FYCO1: variants seen among roughly 807,000 people sequenced by gnomAD.
The protein encoded by FYCO1 is FYVE and coiled-coil domain autophagy adaptor 1, also known as FYVE and coiled-coil domain-containing protein 1.
In FYCO1, 122 loss-of-function variants were observed where a neutral mutation model predicts 165.1. The observed-to-expected ratio is 0.74, with a 90% CI of 0.64 to 0.86. FYCO1 has a LOEUF of 0.86. Ranked by LOEUF, FYCO1 falls within the 40% of genes least tolerant of loss-of-function variation. The pLI is 0.00. For synonymous variants in FYCO1, 648 were observed against 742.5 expected, an observed-to-expected ratio of 0.87 and a Z score of 2.07; for missense variants, 1,702 against 1,810.3, an observed-to-expected ratio of 0.94 and a Z score of 1.09.
chr3:45,981,110 G>A (rs374913376), intron 3 of FYCO1, among the ~76,000 whole-genome samples: 7 of 152,200 alleles, frequency 4.6e-5, no homozygotes, highest in East Asian at 1.9e-4. Flanking sequence ...ACTGCACATT[G>A]AGTAGCAAAG....
rs373944246 is a variant in FYCO1 at position 45,923,672 on chromosome 3, C to T, written c.4345G>A (p.Asp1449Asn). 23 of 1,612,950 alleles carry T rather than the reference C, an allele frequency of 1.4e-5. No individual in the cohort carries two copies. Among genetic ancestry groups the T allele is most frequent in the African/African-American group, 1.1e-4 (8 of 74,894 alleles). The stretch of plus-strand genomic sequence containing the variant: ...TGGCCCTACCTTGAGAAGGTATTGT[C>T]GAAGATGAGCATGTAGATGCCGGGT... ...RTPGIYMLIF[D>N]NTFSRFVSKK... The change falls in exon 17 of 18, where the codon GAC becomes AAC. Residue 1449 changes from aspartate (D) to asparagine (N), a missense_variant. By Grantham distance (23) the Asp-to-Asn change is conservative. Transcript: ENST00000296137.
intron 1 of FYCO1, 122 bp from the exon 2 acceptor site, chr3:45,985,144 G>T (rs975153635): frequency 1.6e-6 from 1 of 624,906 alleles, no homozygotes; most frequent in Non-Finnish European, 2.9e-6. Context: ...TCAACAGGAG[G>T]GCTTGACCTT....
intron 17 of FYCO1, 78 bp downstream of exon 17, chr3:45,923,578 T>C: frequency 1.1e-6 from 1 of 891,320 alleles, no homozygotes; most frequent in Non-Finnish European, 1.9e-6. Flanking sequence ...TAATTGGTTT[T>C]GAGTGTCCAC....
intron 1 of FYCO1, among the ~76,000 whole-genome samples, chr3:45,986,688 G>A (rs905494626): frequency 1.3e-5 from 2 of 152,092 alleles, no homozygotes; most frequent in East Asian, 3.9e-4. Context: ...CCCAACAAGT[G>A]TTGGCACCCA....
Position 45,984,862 on chromosome 3 carries a change from A to T in FYCO1, c.49T>A (p.Leu17Met), listed in dbSNP as rs1447211546. 6.2e-7 allele frequency: 1 copy of T among 1,614,204 alleles called. No individual in the cohort carries two copies. Among genetic ancestry groups the T allele is most frequent in the East Asian group, 2.2e-5 (1 of 44,876 alleles). Reference protein sequence around the residue: ...ESQLQRIIRDLQDAVTELSKE... With the variant: ...ESQLQRIIRDMQDAVTELSKE... ...GCCCAGCAACCTACCATACCTTGCA[A>T]GTCTCGGATGATTCTCTGGAGCTGG... The change falls in exon 2 of 18, where the codon TTG becomes ATG. Residue 17 changes from leucine to methionine, a missense_variant. Coordinates refer to ENST00000296137, the MANE Select transcript of FYCO1 (RefSeq NM_024513.4).
chr3:45,985,516 G>A (rs1707268115), intron 1 of FYCO1, among the ~76,000 whole-genome samples: 1 of 152,190 alleles, frequency 6.6e-6, no homozygotes, highest in South Asian at 2.1e-4. Flanking sequence ...TTGGGGGAGA[G>A]GATGAGGACA....
intron 14 of FYCO1, chr3:45,946,014 G>C (rs1178942137): frequency 6.3e-6 from 1 of 158,562 alleles, no homozygotes; most frequent in Non-Finnish European, 1.4e-5. Flanking sequence ...TGGGGCTCAG[G>C]ATGGGTGGGC....
chr3:45,974,450 C>T (rs1294119888), intron 5 of FYCO1, among the ~76,000 whole-genome samples: 1 of 152,236 alleles, frequency 6.6e-6, no homozygotes, highest in African/African-American at 2.4e-5. Context: ...TTTCAGCTCA[C>T]ATCAATTCAC....
chr3:45,937,452 G>T (rs938825292), intron 14 of FYCO1, among the ~76,000 whole-genome samples: 1 of 152,248 alleles, frequency 6.6e-6, no homozygotes, highest in Admixed American at 6.5e-5. Context: ...GTCCATTGTG[G>T]TTCCAGCTTC....
At chr3:45,925,031 G>A (rs1054811428) in intron 16 of FYCO1, among the ~76,000 whole-genome samples, 3 of 152,126 alleles carry the variant, frequency 2.0e-5, no homozygotes, top group African/African-American at 7.2e-5. Flanking sequence ...CTGGATTCAA[G>A]CAATTCTCCT....
At chr3:45,949,741 G>C (rs1055292436) in intron 14 of FYCO1, among the ~76,000 whole-genome samples, 2 of 152,102 alleles carry the variant, frequency 1.3e-5, no homozygotes, top group Non-Finnish European at 2.9e-5. Context: ...TCCCTGACCA[G>C]GTGCCCGCCC....
At chr3:45,929,515 G>C (rs769299230) in intron 16 of FYCO1, among the ~76,000 whole-genome samples, 3 of 152,204 alleles carry the variant, frequency 2.0e-5, no homozygotes, top group Non-Finnish European at 2.9e-5. Flanking sequence ...TGGGGGCCTG[G>C]TGGGTCTGGG....
At chr3:45,977,408 A>ATATAG (rs1706828635) in intron 4 of FYCO1, among the ~76,000 whole-genome samples, 1 of 79,444 alleles carries the variant, frequency 1.3e-5, no homozygotes, top group African/African-American at 4.7e-5. Context: ...TATATATATA[A>ATATAG]AGGGAACTAT....
intron 15 of FYCO1, among the ~76,000 whole-genome samples, chr3:45,932,526 A>C (rs943901345): frequency 2.6e-5 from 4 of 152,206 alleles, no homozygotes; most frequent in African/African-American, 7.2e-5. Flanking sequence ...CTACCATACC[A>C]AACTGCCTTT....
intron 12 of FYCO1, 172 bp from the exon 13 acceptor site, chr3:45,958,791 T>C (rs1705515463): frequency 2.8e-6 from 2 of 710,414 alleles, no homozygotes. Flanking sequence ...AAAGCCTTCT[T>C]GTCAGCTTGG....
intron 13 of FYCO1, among the ~76,000 whole-genome samples, chr3:45,957,466 T>TA (rs1311324804): frequency 5.3e-5 from 8 of 152,238 alleles, no homozygotes; most frequent in African/African-American, 1.7e-4. Flanking sequence ...AAAGAAAATA[T>TA]AAAGATAAGC....
chr3:45,963,216 A>T (rs1190246685), intron 10 of FYCO1, among the ~76,000 whole-genome samples: 1 of 152,088 alleles, frequency 6.6e-6, no homozygotes, highest in East Asian at 1.9e-4. Context: ...CAGGCAGCAT[A>T]TGTGTGTGCT....
chr3:45,931,064 G>A lies in FYCO1; in HGVS notation c.4251+7C>T, dbSNP rs749199391. 1 of 1,612,624 alleles carries A rather than the reference G, an allele frequency of 6.2e-7. No individual in the cohort carries two copies. The highest frequency in any genetic ancestry group is 1.7e-5 in the Admixed American group (1 of 59,982). On this transcript the variant is annotated splice_region_variant and intron_variant, in intron 16 of 17. Transcript: ENST00000296137. ...AAGGAGCCCACAGGCAGGGAGCCCA[G>A]CCTTACCTTACACTGATCCAGCGGT...
chr3:45,927,284 A>G (rs1206330734), intron 16 of FYCO1, among the ~76,000 whole-genome samples: 1 of 152,244 alleles, frequency 6.6e-6, no homozygotes, highest in Non-Finnish European at 1.5e-5. Flanking sequence ...GGCCATTAAG[A>G]AAACACCTCT....
Sources: allele counts gnomAD v4.1 joint callset (sites outside exome capture counted in the v4.1 genomes callset), GRCh38; gene constraint gnomAD v4.1.1; transcripts MANE v1.5; gene names NCBI Gene and HGNC (gene_info 2026-07-23, HGNC 2026-07-21).